The following LINGO1 variants were observed in gnomAD, a reference collection of about 807,000 sequenced individuals.
LINGO1 encodes the protein leucine rich repeat and Ig domain containing 1.
Under a neutral mutation model 37.3 loss-of-function variants are expected in LINGO1, and 11 were observed. The observed-to-expected ratio is 0.29, with a 90% CI of 0.19 to 0.49. The LOEUF is 0.49. LINGO1 is among the 20% of genes least tolerant of loss of function. LINGO1 has a pLI of 0.99. For synonymous variants in LINGO1, 387 were observed against 403.0 expected, an observed-to-expected ratio of 0.96 and a Z score of 0.48; for missense variants, 585 against 878.2, an observed-to-expected ratio of 0.67 and a Z score of 4.22.
At chr15:77,635,812 T>C (rs2074385963), upstream of LINGO1, among the ~76,000 whole-genome samples, 1 of 148,976 alleles carries the variant, frequency 6.7e-6, no homozygotes, top group Non-Finnish European at 1.5e-5. Flanking sequence ...GATCTGAGAC[T>C]GCGTGTCTCA....
chr15:77,762,508 C>A lies in LINGO1; in HGVS notation c.-257+24361G>T, dbSNP rs2076487776. On this transcript the variant is annotated intron_variant, in intron 1 of 3. Coordinates refer to the LINGO1 transcript ENST00000561686. ...AGGCCCTAAGAGGAGCAGATACCTG[C>A]CCAAGGCCACTTGGTGGCCCTGGGC... 3.3e-5 allele frequency among the ~76,000 whole-genome samples: 5 copies of A among 152,262 alleles called. 1 individual carries two copies. In the South Asian group the frequency reaches 1.0e-3, roughly 32 times the overall value.
intron 1 of LINGO1, among the ~76,000 whole-genome samples, chr15:77,758,350 C>T (rs538483889): frequency 1.8e-4 from 28 of 152,168 alleles, no homozygotes; most frequent in Admixed American, 1.5e-3. Flanking sequence ...CACCCCAAGG[C>T]GGGCGCTCCC....
chr15:77,712,396 A>C (rs1173280533), intron 2 of LINGO1, among the ~76,000 whole-genome samples: 1 of 152,064 alleles, frequency 6.6e-6, no homozygotes, highest in Non-Finnish European at 1.5e-5. Flanking sequence ...ATGGATGCTC[A>C]AATATCTTGC....
chr15:77,634,099 C>T (rs1414607407), upstream of LINGO1, among the ~76,000 whole-genome samples: 1 of 152,210 alleles, frequency 6.6e-6, no homozygotes, highest in Non-Finnish European at 1.5e-5. Context: ...CCCAAAGCCT[C>T]TCGGATTCTG....
chr15:77,734,452 C>G (rs1596169302), intron 2 of LINGO1, among the ~76,000 whole-genome samples: 1 of 152,100 alleles, frequency 6.6e-6, no homozygotes, highest in East Asian at 1.9e-4. Flanking sequence ...CCTTGCCGCC[C>G]CTCATCTAAC....
intron 1 of LINGO1, among the ~76,000 whole-genome samples, chr15:77,616,502 C>T (rs1316530087): frequency 1.3e-5 from 2 of 152,222 alleles, no homozygotes; most frequent in Admixed American, 1.3e-4. Flanking sequence ...AGCTCTGTGG[C>T]TGGGTCTGCA....
chr15:77,800,926 T>C (rs530799051), intron 1 of LINGO1, among the ~76,000 whole-genome samples: 102 of 152,308 alleles, frequency 6.7e-4, no homozygotes, highest in Admixed American at 2.4e-3. Context: ...AGATGTTCTA[T>C]CTCACTAGCA....
intron 1 of LINGO1, among the ~76,000 whole-genome samples, chr15:77,798,940 G>A (rs557691592): frequency 1.4e-3 from 196 of 137,226 alleles, no homozygotes; most frequent in African/African-American, 4.9e-3. Context: ...CAGAAAGCAG[G>A]GCCCTGGTAT....
chr15:77,806,172 G>A (rs796476308), intron 1 of LINGO1, among the ~76,000 whole-genome samples: 17 of 152,234 alleles, frequency 1.1e-4, no homozygotes, highest in African/African-American at 3.9e-4. Context: ...AGGGCTTCCC[G>A]GCAGATAAAG....
At chr15:77,817,679 G>A (rs1188671583) in intron 1 of LINGO1, among the ~76,000 whole-genome samples, 4 of 152,194 alleles carry the variant, frequency 2.6e-5, no homozygotes, top group Admixed American at 6.5e-5. Context: ...CGTGCCACAC[G>A]CAGCAGGAGC....
intron 2 of LINGO1, among the ~76,000 whole-genome samples, chr15:77,731,698 T>G (rs895403776): frequency 1.3e-5 from 2 of 152,178 alleles, no homozygotes; most frequent in Non-Finnish European, 2.9e-5. Flanking sequence ...GCTGCCTCTC[T>G]GTGCCCCATG....
At chr15:77,776,542 G>GAGGGAGGT (rs1555541400) in intron 1 of LINGO1, among the ~76,000 whole-genome samples, 1,005 of 36,678 alleles carry the variant, frequency 0.027, 21 homozygotes, top group Non-Finnish European at 0.043. Context: ...GGGAGGGAGG[G>GAGGGAGGT]AGGGAGGGAG....
At chr15:77,629,785 A>G (rs2074199209) in intron 1 of LINGO1, among the ~76,000 whole-genome samples, 1 of 152,210 alleles carries the variant, frequency 6.6e-6, no homozygotes, top group South Asian at 2.1e-4. Context: ...AGAGCCGAGC[A>G]GGCAGCTTGG....
At chr15:77,707,401 C>T (rs1367349150) in intron 2 of LINGO1, 1 of 152,252 alleles carries the variant, frequency 6.6e-6, no homozygotes, top group Non-Finnish European at 1.5e-5. Flanking sequence ...CACCATGACT[C>T]TTGAAGCACA....
intron 1 of LINGO1, among the ~76,000 whole-genome samples, chr15:77,741,834 T>C (rs1056273796): frequency 6.6e-6 from 1 of 152,198 alleles, no homozygotes; most frequent in Non-Finnish European, 1.5e-5. Context: ...TCAGAAAGCC[T>C]GGCCTAGAAT....
chr15:77,691,499 T>C (rs972128700), intron 1 of LINGO1, among the ~76,000 whole-genome samples: 1 of 112,650 alleles, frequency 8.9e-6, no homozygotes, highest in Non-Finnish European at 2.3e-5. Context: ...GGGATGTCCC[T>C]GGGGAAGGGA....
chr15:77,663,292 G>A (rs1332031072), intron 3 of LINGO1, among the ~76,000 whole-genome samples: 4 of 94,274 alleles, frequency 4.2e-5, no homozygotes, highest in African/African-American at 1.6e-4. Context: ...GGTCGGGGGT[G>A]GGGAGGCTTC....
intron 2 of LINGO1, among the ~76,000 whole-genome samples, chr15:77,709,545 T>G (rs1388202548): frequency 6.6e-6 from 1 of 152,244 alleles, no homozygotes; most frequent in Admixed American, 6.5e-5. Flanking sequence ...GGTCTTCCTT[T>G]TGTGCCTTCT....
intron 1 of LINGO1, among the ~76,000 whole-genome samples, chr15:77,811,934 C>T (rs1300804428): frequency 6.9e-6 from 1 of 144,114 alleles, no homozygotes; most frequent in Non-Finnish European, 1.5e-5. Flanking sequence ...TGAAAATGTT[C>T]CCAACAAAAT....
Sources: gnomAD v4.1 joint callset for allele counts (sites outside exome capture counted in the v4.1 genomes callset) on GRCh38, gnomAD v4.1.1 for gene constraint, MANE v1.5 for transcripts, NCBI Gene and HGNC (gene_info 2026-07-23, HGNC 2026-07-21) for gene names.